Variants in FAR2 observed in about 807,000 individuals in gnomAD.
The protein encoded by FAR2 is epididymis secretory protein Li 81.
Under a neutral mutation model 56.0 loss-of-function variants are expected in FAR2, and 19 were observed. The ratio of observed to expected loss-of-function variants is 0.34; its 90% CI spans 0.24 to 0.50. The LOEUF (loss-of-function observed/expected upper bound fraction) is 0.50, where lower values mean the gene tolerates loss of function less well. Among genes scored for constraint, FAR2 ranks in the 20% least tolerant of loss-of-function variants. The pLI is 0.98. For missense variants in FAR2, 508 were observed against 642.2 expected (o/e 0.79, Z 2.26); for synonymous variants, 219 against 218.8 (o/e 1.00, Z -0.01).
chr12:29,332,040 C>T (rs1028982433), intron 10 of FAR2: 6 of 153,868 alleles, frequency 3.9e-5, no homozygotes, highest in African/African-American at 1.4e-4. Flanking sequence ...CCTACTCCTC[C>T]CCCATGTTGT....
At chr12:29,219,402 A>G (rs1947659553) in intron 1 of FAR2, among the ~76,000 whole-genome samples, 4 of 152,204 alleles carry the variant, frequency 2.6e-5, no homozygotes, top group Non-Finnish European at 5.9e-5. Flanking sequence ...ATAACATAAC[A>G]TAGGTGGTAT....
At chr12:29,318,085 C>T (rs183955341) in intron 9 of FAR2, among the ~76,000 whole-genome samples, 4 of 152,330 alleles carry the variant, frequency 2.6e-5, no homozygotes, top group Non-Finnish European at 5.9e-5. Context: ...TAAGGCAATT[C>T]TCGTGATCAA....
At chr12:29,190,108 A>T (rs189686808) in intron 1 of FAR2, among the ~76,000 whole-genome samples, 34 of 152,272 alleles carry the variant, frequency 2.2e-4, no homozygotes, top group African/African-American at 7.7e-4. Flanking sequence ...GGAGGGGAGG[A>T]TACAGACATC....
intron 1 of FAR2, among the ~76,000 whole-genome samples, chr12:29,229,617 G>A (rs185867486): frequency 6.6e-6 from 1 of 152,056 alleles, no homozygotes; most frequent in African/African-American, 2.4e-5. Context: ...TCTACCAAAT[G>A]CTGGGCTCTG....
chr12:29,325,825 A>T (rs1949634555), intron 10 of FAR2, among the ~76,000 whole-genome samples: 1 of 152,214 alleles, frequency 6.6e-6, no homozygotes, highest in South Asian at 2.1e-4. Flanking sequence ...ACACCCTAAC[A>T]TCACAATTAA....
intron 1 of FAR2, among the ~76,000 whole-genome samples, chr12:29,199,131 G>C (rs556321640): frequency 6.6e-6 from 1 of 152,148 alleles, no homozygotes; most frequent in Non-Finnish European, 1.5e-5. Context: ...ACTCAAGTGT[G>C]GGCATATGTT....
chr12:29,290,012 TG>T lies in FAR2; in HGVS notation c.190-3286del, dbSNP rs547267841. On this transcript the variant is annotated intron_variant, in intron 2 of 11. Coordinates refer to ENST00000536681, the MANE Select transcript of FAR2 (RefSeq NM_001271783.2). ...AGATATTATTTCACCCCAGTTAAAA[TG>T]GCTTATATCCAAAAGATAGGCAATA... 1.5e-3 allele frequency among the ~76,000 whole-genome samples: 224 copies of T among 152,316 alleles called. 1 individual carries two copies. Among genetic ancestry groups the T allele is most frequent in the African/African-American group, 5.0e-3 (207 of 41,566 alleles).
At chr12:29,198,212 T>C (rs548795411) in intron 1 of FAR2, among the ~76,000 whole-genome samples, 84 of 152,302 alleles carry the variant, frequency 5.5e-4, no homozygotes, top group Non-Finnish European at 1.1e-3. Flanking sequence ...ATTCTGTTTT[T>C]TATTTTAATT....
chr12:29,258,252 G>C lies in FAR2; in HGVS notation c.-38-12160G>C, dbSNP rs143376976. On this transcript the variant is annotated intron_variant, in intron 1 of 11. Coordinates refer to ENST00000536681, the MANE Select transcript of FAR2 (RefSeq NM_001271783.2). ...TGCCTGTAGTCCCAGCTACTCGGGAGGCTGAGACAGGAGAATTGCTTGAAC... is the reference window on the plus strand; with the variant it reads ...TGCCTGTAGTCCCAGCTACTCGGGACGCTGAGACAGGAGAATTGCTTGAAC... Among the ~76,000 whole-genome samples the C allele has an allele frequency of 5.9e-3, 900 of 152,086 alleles. 6 individuals carry two copies. The highest frequency in any genetic ancestry group is 0.044 in the Middle Eastern group (13 of 294).
Position 29,258,319 on chromosome 12 carries a change from C to T in FAR2, c.-38-12093C>T, listed in dbSNP as rs572095959. ...GCAGTGAGCCGAGATCGCACCACTG[C>T]ACTCCAGTCTGGGTGACAGAGCGAG... is the stretch of plus-strand genomic sequence containing the variant. On this transcript the variant is annotated intron_variant, in intron 1 of 11. Transcript: ENST00000536681. Among the ~76,000 whole-genome samples the T allele has an allele frequency of 3.9e-4, 59 of 152,266 alleles. 1 individual carries two copies. The South Asian group carries it at 4.8e-3, about 12-fold the overall frequency.
intron 1 of FAR2, among the ~76,000 whole-genome samples, chr12:29,249,668 T>A (rs925084428): frequency 1.5e-4 from 23 of 152,308 alleles, no homozygotes; most frequent in African/African-American, 3.4e-4. Context: ...ACTGGAGTCA[T>A]GCTCTGCTGC....
intron 1 of FAR2, among the ~76,000 whole-genome samples, chr12:29,165,082 G>A (rs1475101709): frequency 2.0e-5 from 3 of 152,152 alleles, no homozygotes; most frequent in Non-Finnish European, 4.4e-5. Context: ...TGTAGCTGAA[G>A]TTGCTGAATA....
At chr12:29,168,162 G>A (rs35773649) in intron 1 of FAR2, among the ~76,000 whole-genome samples, 5,914 of 152,238 alleles carry the variant, frequency 0.039, 336 homozygotes, top group African/African-American at 0.13. Flanking sequence ...AGTTTATCCC[G>A]CTTGAAACCA....
At chr12:29,327,039 A>G (rs1216579898) in intron 10 of FAR2, among the ~76,000 whole-genome samples, 1 of 152,236 alleles carries the variant, frequency 6.6e-6, no homozygotes, top group East Asian at 1.9e-4. Context: ...TAAGCTGATA[A>G]GCAACTTCAG....
intron 1 of FAR2, among the ~76,000 whole-genome samples, chr12:29,160,490 A>G (rs1199141965): frequency 6.6e-6 from 1 of 152,162 alleles, no homozygotes; most frequent in East Asian, 1.9e-4. Flanking sequence ...ATCAAAAGGC[A>G]AGTTACTTAA....
chr12:29,167,765 T>TA (rs1347247800), intron 1 of FAR2, among the ~76,000 whole-genome samples: 2 of 152,248 alleles, frequency 1.3e-5, no homozygotes, highest in African/African-American at 4.8e-5. Context: ...GTGCTTTATT[T>TA]AGTCACTTCT....
At chr12:29,311,692 A>ACACACACACACACACACG (rs1949355678) in intron 7 of FAR2, among the ~76,000 whole-genome samples, 191 bp from the exon 8 acceptor site, 2 of 151,456 alleles carry the variant, frequency 1.3e-5, no homozygotes, top group African/African-American at 4.9e-5. Context: ...ACACACACAC[A>ACACACACACACACACACG]CATGCTTTTC....
intron 2 of FAR2, chr12:29,280,413 CATTTAT>C (rs1948768931): frequency 6.6e-6 from 1 of 152,148 alleles, no homozygotes; most frequent in African/African-American, 2.4e-5. Context: ...TAAGAATTCA[CATTTAT>C]ATTACAACAT....
chr12:29,290,213 A>C (rs568577777), intron 2 of FAR2, among the ~76,000 whole-genome samples: 1 of 152,302 alleles, frequency 6.6e-6, no homozygotes, highest in South Asian at 2.1e-4. Flanking sequence ...TGGGAGGCTG[A>C]GACGGGTGGA....
Sources: gnomAD v4.1 joint callset for allele counts (sites outside exome capture counted in the v4.1 genomes callset) on GRCh38, gnomAD v4.1.1 for gene constraint, MANE v1.5 for transcripts, NCBI Gene and HGNC (gene_info 2026-07-23, HGNC 2026-07-21) for gene names.